SUN1: variants seen among roughly 807,000 people sequenced by gnomAD.
The protein encoded by SUN1 is SUN domain-containing protein 1.
SUN1 carries 61 observed loss-of-function variants against 103.2 expected under a neutral mutation model. The ratio of observed to expected loss-of-function variants is 0.59; its 90% CI spans 0.48 to 0.73. The LOEUF is 0.73. Ranked by LOEUF, SUN1 falls within the 30% of genes least tolerant of loss-of-function variation. The probability of loss-of-function intolerance (pLI) is 0.00; values close to 1 mark genes in which losing one functional copy is unlikely to be tolerated. For synonymous variants in SUN1, 490 were observed against 425.7 expected (o/e 1.15, Z -1.86); for missense variants, 1,052 against 1,034.6 (o/e 1.02, Z -0.23).
upstream of SUN1, among the ~76,000 whole-genome samples, chr7:828,538 C>G (rs551860028): frequency 5.3e-5 from 8 of 152,322 alleles, no homozygotes; most frequent in South Asian, 1.7e-3. Flanking sequence ...TCCCAAAGTG[C>G]TGGGATTACA....
intron 1 of SUN1, among the ~76,000 whole-genome samples, chr7:827,396 C>G (rs9639276): frequency 2.0e-5 from 3 of 151,362 alleles, no homozygotes; most frequent in African/African-American, 7.3e-5. Flanking sequence ...TGGATTATTA[C>G]TAGATTAGTA....
chr7:821,672 A>G (rs1311179052), intron 1 of SUN1, among the ~76,000 whole-genome samples: 1 of 152,154 alleles, frequency 6.6e-6, no homozygotes, highest in African/African-American at 2.4e-5. Flanking sequence ...GGATGAAAGC[A>G]TCCTTCAGCG....
chr7:825,132 C>T (rs1280539850), intron 1 of SUN1, among the ~76,000 whole-genome samples: 1 of 151,936 alleles, frequency 6.6e-6, no homozygotes, highest in African/African-American at 2.4e-5. Flanking sequence ...GATCTCAGCT[C>T]ACTGCAAGCT....
At chr7:839,203 G>C in intron 2 of SUN1, 1 of 460,512 alleles carries the variant, frequency 2.2e-6, no homozygotes, top group Non-Finnish European at 3.7e-6. Flanking sequence ...GTCTAGTATT[G>C]ATGTTCTGCT....
chr7:859,826 G>C lies in SUN1; in HGVS notation c.1525-302G>C, dbSNP rs116817416. Among the ~76,000 whole-genome samples the C allele has an allele frequency of 5.8e-3, 884 of 152,272 alleles. 13 individuals are homozygous for C. Among genetic ancestry groups the C allele is most frequent in the African/African-American group, 0.021 (852 of 41,546 alleles). On this transcript the variant is annotated intron_variant, in intron 13 of 18. Transcript: ENST00000401592. ...CTGTGCGCCTCGCTGCGGGGTGCCC[G>C]GTGGGTGCTTGCGGGATGGACACGC...
upstream of SUN1, chr7:832,008 T>C (rs1798435429): frequency 2.0e-6 from 2 of 986,362 alleles, no homozygotes; most frequent in African/African-American, 3.5e-5. Context: ...TTTTTTGTTA[T>C]TCACCCTGCA....
upstream of SUN1, among the ~76,000 whole-genome samples, chr7:829,567 T>G (rs1258351268): frequency 6.6e-6 from 1 of 151,550 alleles, no homozygotes; most frequent in Non-Finnish European, 1.5e-5. Context: ...TTTGTTTTTT[T>G]TTTTTGAGAT....
intron 1 of SUN1, among the ~76,000 whole-genome samples, chr7:826,657 T>G (rs1249881366): frequency 6.6e-6 from 1 of 152,134 alleles, no homozygotes; most frequent in Non-Finnish European, 1.5e-5. Context: ...AGGCTGCCAT[T>G]TTAAACCAAG....
intron 5 of SUN1, chr7:849,891 G>A (rs775707283): frequency 5.1e-6 from 8 of 1,573,804 alleles, no homozygotes; most frequent in East Asian, 2.3e-5. Context: ...TTGTGAATCC[G>A]CCACACTCAC....
intron 1 of SUN1, among the ~76,000 whole-genome samples, chr7:838,430 C>G (rs867665539): frequency 1.3e-5 from 2 of 152,182 alleles, no homozygotes; most frequent in African/African-American, 4.8e-5. Context: ...TTAAATCTCA[C>G]GTCCGCGTAG....
In SUN1 at chr7:869,439, T is replaced by C; in HGVS notation, c.2071T>C (p.Phe691Leu). Reference sequence around the variant, plus strand: ...CTCCATGATGATCCACCCAGCCGCCTTCACTCTGGAGCACATCCCTAAGAC... The same window carrying C: ...CTCCATGATGATCCACCCAGCCGCCCTCACTCTGGAGCACATCCCTAAGAC... ...RLSMMIHPAA[F>L]TLEHIPKTLS... The change falls in exon 17 of 19, where the codon TTC becomes CTC. Residue 691 changes from phenylalanine to leucine, a missense_variant. By Grantham distance (22) the Phe-to-Leu change is conservative. Coordinates refer to ENST00000401592, the MANE Select transcript of SUN1 (RefSeq NM_001130965.3). 1 of 1,613,898 alleles carries C rather than the reference T, an allele frequency of 6.2e-7. No homozygotes were observed. Among genetic ancestry groups the C allele is most frequent in the Non-Finnish European group, 8.5e-7 (1 of 1,179,876 alleles).
At chr7:869,748 C>G (rs914547017) in intron 17 of SUN1, among the ~76,000 whole-genome samples, 3 of 152,146 alleles carry the variant, frequency 2.0e-5, no homozygotes, top group African/African-American at 7.2e-5. Flanking sequence ...AAGGTAGACA[C>G]GCCTAAGAAT....
chr7:842,094 T>G lies in SUN1; in HGVS notation c.415T>G (p.Trp139Gly). Residue 139 changes from tryptophan (W) to glycine (G), a missense_variant, in exon 3 of 19, where the codon TGG (tryptophan) becomes GGG (glycine). This residue lies in a region of SUN1 where 846 missense variants were observed against 774.5 expected (regional missense o/e 1.09). Coordinates refer to ENST00000401592, the MANE Select transcript of SUN1 (RefSeq NM_001130965.3). ...ACGGCCTCCTGTATTGGACGAGTCT[T>G]GGATTCGTGAACAGACCACAGTGGA... The part of the protein sequence containing the change: ...TRRPPVLDES[W>G]IREQTTVDHF... 1.2e-6 allele frequency: 2 copies of G among 1,614,224 alleles called. No homozygotes were observed. The highest frequency in any genetic ancestry group is 1.7e-6 in the Non-Finnish European group (2 of 1,180,032).
chr7:843,756 C>T (rs950056326), intron 5 of SUN1: 12 of 1,427,042 alleles, frequency 8.4e-6, no homozygotes, highest in African/African-American at 1.4e-5. Flanking sequence ...TTGGACTTGA[C>T]GTGAGCAAAA....
intron 5 of SUN1, among the ~76,000 whole-genome samples, chr7:844,954 G>A (rs180752081): frequency 6.6e-6 from 1 of 152,200 alleles, no homozygotes; most frequent in African/African-American, 2.4e-5. Flanking sequence ...TAATCGACGC[G>A]CACAAGGATT....
At chr7:823,592 A>G (rs1788472277) in intron 1 of SUN1, among the ~76,000 whole-genome samples, 1 of 152,156 alleles carries the variant, frequency 6.6e-6, no homozygotes, top group Admixed American at 6.6e-5. Flanking sequence ...AGGAGGGAGA[A>G]GTAGCAGCAT....
intron 1 of SUN1, among the ~76,000 whole-genome samples, chr7:818,990 A>T (rs1783527467): frequency 6.6e-6 from 1 of 151,510 alleles, no homozygotes; most frequent in Non-Finnish European, 1.5e-5. Flanking sequence ...CAGCCTCCCG[A>T]ATAGCTGGGA....
At chr7:815,771 A>C, upstream of SUN1, 1 of 193,774 alleles carries the variant, frequency 5.2e-6, no homozygotes, top group Non-Finnish European at 1.1e-5. Flanking sequence ...CCTCGCGTGC[A>C]GACCCCACAC....
intron 12 of SUN1, 22 bp downstream of exon 12, chr7:856,423 T>C (rs776926409): frequency 5.0e-5 from 80 of 1,613,662 alleles, no homozygotes; most frequent in Non-Finnish European, 6.1e-5. Context: ...TGGAAAACAT[T>C]CACTTTTGTC....
Sources: allele counts gnomAD v4.1 joint callset (sites outside exome capture counted in the v4.1 genomes callset), GRCh38; gene constraint gnomAD v4.1.1; regional missense constraint gnomAD v4.1.1; transcripts MANE v1.5; gene names NCBI Gene and HGNC (gene_info 2026-07-23, HGNC 2026-07-21).